The following AGBL4 variants were observed in gnomAD, a reference collection of about 807,000 sequenced individuals.
AGBL4 encodes the protein cytosolic carboxypeptidase 6.
AGBL4 carries 58 observed loss-of-function variants against 66.4 expected under a neutral mutation model. The observed-to-expected ratio is 0.87, with a 90% confidence interval of 0.71 to 1.09. The LOEUF is 1.09. Among genes scored for constraint, AGBL4 ranks in the 50% least tolerant of loss-of-function variants. AGBL4 has a pLI of 0.00. For missense variants in AGBL4, 579 were observed against 631.0 expected (o/e 0.92, Z 0.88); for synonymous variants, 234 against 222.9 (o/e 1.05, Z -0.44).
chr1:48,788,899 A>G (rs1557995304), intron 6 of AGBL4, among the ~76,000 whole-genome samples: 1 of 152,194 alleles, frequency 6.6e-6, no homozygotes, highest in Non-Finnish European at 1.5e-5. Context: ...TGAAACGCAT[A>G]TTTTAGGATT....
chr1:49,354,280 C>G (rs928647004), intron 3 of AGBL4, among the ~76,000 whole-genome samples: 7 of 152,238 alleles, frequency 4.6e-5, no homozygotes, highest in Non-Finnish European at 1.0e-4. Context: ...TTAGGGAACT[C>G]TCCTGTTCCA....
At chr1:49,407,792 G>A (rs937088244) in intron 3 of AGBL4, among the ~76,000 whole-genome samples, 29 of 152,204 alleles carry the variant, frequency 1.9e-4, no homozygotes, top group African/African-American at 7.0e-4. Flanking sequence ...GATCCTAACT[G>A]CCTTGAAAGT....
chr1:48,862,066 C>T (rs527512929), intron 6 of AGBL4, among the ~76,000 whole-genome samples: 1 of 152,278 alleles, frequency 6.6e-6, no homozygotes, highest in East Asian at 1.9e-4. Context: ...ACAAGGAACT[C>T]CTTCCCACCA....
At chr1:49,311,319 A>G (rs1346522787) in intron 3 of AGBL4, among the ~76,000 whole-genome samples, 1 of 152,030 alleles carries the variant, frequency 6.6e-6, no homozygotes, top group Non-Finnish European at 1.5e-5. Flanking sequence ...ATCTTTTTCA[A>G]TTCTTCTCAT....
chr1:49,165,567 A>C (rs1359156731), intron 4 of AGBL4, among the ~76,000 whole-genome samples: 1 of 151,996 alleles, frequency 6.6e-6, no homozygotes, highest in Non-Finnish European at 1.5e-5. Context: ...AAGGGAATTT[A>C]ATAAATAGTA....
At chr1:49,492,478 G>C (rs945860738) in intron 3 of AGBL4, among the ~76,000 whole-genome samples, 1 of 151,948 alleles carries the variant, frequency 6.6e-6, no homozygotes, top group Non-Finnish European at 1.5e-5. Flanking sequence ...CAAAACTGTT[G>C]ATAAGGGGGG....
At chr1:49,070,162 A>G (rs868551464) in intron 4 of AGBL4, among the ~76,000 whole-genome samples, 1 of 152,012 alleles carries the variant, frequency 6.6e-6, no homozygotes, top group Non-Finnish European at 1.5e-5. Context: ...TAAATAAACA[A>G]TCATGTCATC....
intron 3 of AGBL4, among the ~76,000 whole-genome samples, chr1:49,432,854 G>C (rs1557935649): frequency 6.6e-6 from 1 of 152,160 alleles, no homozygotes; most frequent in Non-Finnish European, 1.5e-5. Context: ...TAGGATTGGG[G>C]CTGGTCATTG....
At chr1:49,815,081 T>C (rs990882556) in intron 2 of AGBL4, among the ~76,000 whole-genome samples, 5 of 152,166 alleles carry the variant, frequency 3.3e-5, no homozygotes, top group Non-Finnish European at 5.9e-5. Context: ...TTGACTATAC[T>C]CACCCTGTTG....
chr1:48,529,064 C>T (rs1359616919), downstream of AGBL4, among the ~76,000 whole-genome samples: 1 of 151,988 alleles, frequency 6.6e-6, no homozygotes, highest in Admixed American at 6.6e-5. Flanking sequence ...TCACCATACC[C>T]ACTATTTATT....
chr1:48,902,493 A>G (rs1277514112), intron 5 of AGBL4, among the ~76,000 whole-genome samples: 1 of 152,114 alleles, frequency 6.6e-6, no homozygotes, highest in East Asian at 1.9e-4. Context: ...AGTGGTTAAG[A>G]AGGAAAGAAC....
At chr1:49,321,049 G>A (rs1645124588) in intron 3 of AGBL4, among the ~76,000 whole-genome samples, 1 of 152,102 alleles carries the variant, frequency 6.6e-6, no homozygotes, top group Non-Finnish European at 1.5e-5. Flanking sequence ...TCAACATGTG[G>A]GGATTCAATT....
intron 2 of AGBL4, among the ~76,000 whole-genome samples, chr1:49,773,670 G>A (rs1644122310): frequency 6.6e-6 from 1 of 152,200 alleles, no homozygotes; most frequent in African/African-American, 2.4e-5. Flanking sequence ...AGAAGGTTGT[G>A]TGTCTGACTC....
intron 2 of AGBL4, among the ~76,000 whole-genome samples, chr1:49,712,516 T>C (rs1270804267): frequency 6.6e-6 from 1 of 151,832 alleles, no homozygotes; most frequent in Non-Finnish European, 1.5e-5. Flanking sequence ...GTAGGATGAA[T>C]AAGTCTAGAG....
At chr1:49,642,840 T>C (rs1004763927) in intron 3 of AGBL4, among the ~76,000 whole-genome samples, 4 of 152,032 alleles carry the variant, frequency 2.6e-5, no homozygotes, top group African/African-American at 7.2e-5. Context: ...TCTGGGAAAC[T>C]TGACTGCATC....
intron 5 of AGBL4, among the ~76,000 whole-genome samples, chr1:48,969,948 T>C (rs1247851055): frequency 6.6e-6 from 1 of 152,214 alleles, no homozygotes; most frequent in East Asian, 1.9e-4. Context: ...ATATTACTTG[T>C]ATTAATTTAA....
intron 5 of AGBL4, among the ~76,000 whole-genome samples, chr1:48,991,031 A>G (rs924945164): frequency 6.6e-6 from 1 of 152,124 alleles, no homozygotes; most frequent in African/African-American, 2.4e-5. Context: ...ATAATATCCT[A>G]TGTTTTTATG....
At chr1:48,537,956 T>A (rs2148257329) in intron 12 of AGBL4, among the ~76,000 whole-genome samples, 1 of 152,322 alleles carries the variant, frequency 6.6e-6, no homozygotes, top group South Asian at 2.1e-4. Flanking sequence ...GGGCCTGGTA[T>A]AAAGTGTTGC....
intron 3 of AGBL4, among the ~76,000 whole-genome samples, chr1:49,595,367 G>A (rs1373631927): frequency 6.6e-6 from 1 of 152,032 alleles, no homozygotes; most frequent in Non-Finnish European, 1.5e-5. Context: ...AGGATTACAG[G>A]CATGAGCCAC....
Sources: allele counts gnomAD v4.1 joint callset (sites outside exome capture counted in the v4.1 genomes callset), GRCh38; gene constraint gnomAD v4.1.1; transcripts MANE v1.5; gene names NCBI Gene and HGNC (gene_info 2026-07-23, HGNC 2026-07-21).